The following PIEZO2 variants were observed in gnomAD, a reference collection of about 807,000 sequenced individuals.
PIEZO2 encodes the protein piezo type mechanosensitive ion channel component 2.
Under a neutral mutation model 337.3 loss-of-function variants are expected in PIEZO2, and 172 were observed. The observed-to-expected ratio is 0.51, with a 90% CI of 0.45 to 0.58. PIEZO2 has a LOEUF of 0.58. Ranked by LOEUF, PIEZO2 falls within the 20% of genes least tolerant of loss-of-function variation. PIEZO2 has a pLI of 0.00. For missense variants in PIEZO2, 3,028 were observed against 3,391.3 expected (o/e 0.89, Z 2.66); for synonymous variants, 1,251 against 1,228.5 (o/e 1.02, Z -0.38).
rs72870649 is a variant in PIEZO2, at chr18:11,016,723, T to G, written c.161-37063A>C. ...CATGATGAAAAACTCCATCAAATAA[T>G]GTAATGTTTTTTCACTGGAGGCAAA... On this transcript the variant is annotated intron_variant, in intron 2 of 55. Transcript: ENST00000674853. The surrounding 1 kb of genome is among the most constrained non-coding windows in gnomAD (Gnocchi z 5.6). 0.13 allele frequency among the ~76,000 whole-genome samples: 19,385 copies of G among 152,092 alleles called. 1,586 individuals are homozygous for G. The highest frequency in any genetic ancestry group is 0.21 in the Admixed American group (3,180 of 15,290).
intron 1 of PIEZO2, among the ~76,000 whole-genome samples, chr18:11,084,477 G>A (rs536698718): frequency 3.9e-5 from 6 of 152,054 alleles, no homozygotes; most frequent in Non-Finnish European, 8.8e-5. Flanking sequence ...CAGGAGGAGC[G>A]GGTTGTGTAG....
At chr18:10,731,563 T>C in intron 35 of PIEZO2, 42 bp from the exon 36 acceptor site, 1 of 1,359,082 alleles carries the variant, frequency 7.4e-7, no homozygotes, top group African/African-American at 1.5e-5. Context: ...CTTTTAATAA[T>C]TTGAAATAAA....
chr18:11,086,399 G>T (rs1333331021), intron 1 of PIEZO2, among the ~76,000 whole-genome samples: 1 of 151,356 alleles, frequency 6.6e-6, no homozygotes, highest in African/African-American at 2.4e-5. Flanking sequence ...GGCGCCTGTA[G>T]TCCCAGCTAC....
At chr18:10,706,652 T>G (rs2035599402) in intron 40 of PIEZO2, among the ~76,000 whole-genome samples, 1 of 152,184 alleles carries the variant, frequency 6.6e-6, no homozygotes, top group Admixed American at 6.5e-5. Context: ...CTTTGTCTCC[T>G]TCTTTTGTTC....
intron 5 of PIEZO2, among the ~76,000 whole-genome samples, chr18:10,858,177 T>C (rs774750083): frequency 2.7e-5 from 4 of 150,304 alleles, no homozygotes. Flanking sequence ...AAAAATTAGC[T>C]GAGTGTGGTG....
intron 3 of PIEZO2, among the ~76,000 whole-genome samples, chr18:10,946,160 T>C (rs761043024): frequency 9.2e-5 from 14 of 152,036 alleles, no homozygotes; most frequent in Non-Finnish European, 1.9e-4. Context: ...AATCACCCTA[T>C]GGCATATCAT....
In PIEZO2 at chr18:10,705,554, C is replaced by T. The variant is rs1347562577; in HGVS notation, c.5781G>A (p.Glu1927=). 2.6e-6 allele frequency: 4 copies of T among 1,537,128 alleles called. No homozygotes were observed. The highest frequency in any genetic ancestry group is 2.7e-5 in the African/African-American group (2 of 73,050). Residue 1927 remains glutamate (E), a synonymous_variant, in exon 41 of 56, where the codon GAG becomes GAA. Coordinates refer to ENST00000674853, the MANE Select transcript of PIEZO2 (RefSeq NM_001378183.1). ...AEEASLTPEE[E]LTQFSTLDGD... is the part of the protein sequence containing the mutation. ...CGTCCAAGGTGGAGAACTGTGTCAG[C>T]TCTTCCTCTGGGGTGAGGCTGGCCT...
rs980330693 is a variant in PIEZO2, at chr18:10,751,845, T to A, written c.4167+791A>T. 4.6e-5 allele frequency among the ~76,000 whole-genome samples: 7 copies of A among 152,316 alleles called. No homozygotes were observed. In the East Asian group the frequency reaches 1.3e-3, roughly 29 times the overall value. On this transcript the variant is annotated intron_variant, in intron 28 of 55. Transcript: ENST00000674853. Reference sequence around the variant, plus strand: ...TTAATTTCCCGCAGCACTAAATCACTGAAATGGTGTCGTTGTGTCCTGATA... The same window carrying A: ...TTAATTTCCCGCAGCACTAAATCACAGAAATGGTGTCGTTGTGTCCTGATA...
intron 27 of PIEZO2, among the ~76,000 whole-genome samples, chr18:10,757,446 GT>G (rs2037919468): frequency 1.9e-4 from 27 of 142,196 alleles, no homozygotes; most frequent in African/African-American, 2.7e-4. Flanking sequence ...AGGAGGAAGG[GT>G]GGGGATAAGA....
rs914928742 is a variant in PIEZO2 at position 10,969,596 on chromosome 18, C to T, written c.286+9939G>A. On this transcript the variant is annotated intron_variant, in intron 3 of 55. Transcript: ENST00000674853. The surrounding 1 kb of genome is among the most constrained non-coding windows in gnomAD (Gnocchi z 4.5). ...AAATGGAAATCCAAATTTTTTTTTG[C>T]GAAGGAAATAAATACCAAGTAACTT... 2.0e-5 allele frequency among the ~76,000 whole-genome samples: 3 copies of T among 151,034 alleles called. No homozygotes were observed. Among genetic ancestry groups the T allele is most frequent in the East Asian group, 1.9e-4 (1 of 5,176 alleles).
At position 10,952,557 on chromosome 18, in the gene PIEZO2, T is replaced by C. The variant is rs899975016; in HGVS notation, c.286+26978A>G. ...GTACCCATAGTTTGTTGCTTTCTAT[T>C]GTTGACCTGTGTAGTCCATCCAGGG... On this transcript the variant is annotated intron_variant, in intron 3 of 55. Coordinates refer to ENST00000674853, the MANE Select transcript of PIEZO2 (RefSeq NM_001378183.1). This position sits in a 1 kb window ranked among gnomAD's most constrained non-coding sequence, Gnocchi z 4.1. Among the ~76,000 whole-genome samples the C allele has an allele frequency of 1.3e-5, 2 of 152,250 alleles. No homozygotes were observed. Among genetic ancestry groups the C allele is most frequent in the East Asian group, 3.8e-4 (2 of 5,204 alleles).
intron 28 of PIEZO2, among the ~76,000 whole-genome samples, chr18:10,752,005 G>A (rs547782852): frequency 1.3e-5 from 2 of 152,176 alleles, no homozygotes; most frequent in South Asian, 2.1e-4. Context: ...GGGTTGTGGG[G>A]GGGGAGGGTC....
intron 1 of PIEZO2, among the ~76,000 whole-genome samples, chr18:11,118,700 T>G (rs1032230489): frequency 1.3e-5 from 2 of 151,910 alleles, no homozygotes; most frequent in Non-Finnish European, 2.9e-5. Context: ...TCACAATGAG[T>G]TTTTAACTTA....
rs373502676 is a variant in PIEZO2 at position 11,131,390 on chromosome 18, C to G, written c.64+17135G>C. On this transcript the variant is annotated intron_variant, in intron 1 of 55. Coordinates refer to ENST00000674853, the MANE Select transcript of PIEZO2 (RefSeq NM_001378183.1). The surrounding 1 kb of genome is among the most constrained non-coding windows in gnomAD (Gnocchi z 5.3). Reference sequence around the variant, plus strand: ...CTGTCTTCTCTCCCACAGCCTGCACCGATGGCCTCATGGGGAGTTCCCTAT... The same window carrying G: ...CTGTCTTCTCTCCCACAGCCTGCACGGATGGCCTCATGGGGAGTTCCCTAT... Among the ~76,000 whole-genome samples the G allele has an allele frequency of 2.6e-4, 40 of 152,272 alleles. No homozygotes were observed. In the East Asian group the frequency reaches 6.8e-3, roughly 26 times the overall value.
At chr18:10,991,633 T>C (rs1354006235) in intron 2 of PIEZO2, among the ~76,000 whole-genome samples, 1 of 152,216 alleles carries the variant, frequency 6.6e-6, no homozygotes, top group Non-Finnish European at 1.5e-5. Context: ...CTATCATTGA[T>C]GGACGTTTGG....
At chr18:11,086,058 G>T (rs2038899482) in intron 1 of PIEZO2, among the ~76,000 whole-genome samples, 1 of 152,080 alleles carries the variant, frequency 6.6e-6, no homozygotes, top group African/African-American at 2.4e-5. Context: ...TAATTGAATT[G>T]ACATGACTTA....
At position 10,877,341 on chromosome 18, in the gene PIEZO2, G is replaced by A. The variant is rs2042293657; in HGVS notation, c.330-5926C>T. Among the ~76,000 whole-genome samples the A allele has an allele frequency of 6.6e-6, 1 of 152,184 alleles. No homozygotes were observed. The highest frequency in any genetic ancestry group is 1.5e-5 in the Non-Finnish European group (1 of 68,034). Reference sequence around the variant, plus strand: ...CACTAGCTCTTTAGAATGAAATAGTGTTAGATTAAATTTTTAAGAAATGGT... The same window carrying A: ...CACTAGCTCTTTAGAATGAAATAGTATTAGATTAAATTTTTAAGAAATGGT... On this transcript the variant is annotated intron_variant, in intron 4 of 55. Transcript: ENST00000674853. This position sits in a 1 kb window ranked among gnomAD's most constrained non-coding sequence, Gnocchi z 5.3.
intron 7 of PIEZO2, among the ~76,000 whole-genome samples, chr18:10,852,566 T>C (rs969788345): frequency 6.6e-6 from 1 of 152,224 alleles, no homozygotes; most frequent in African/African-American, 2.4e-5. Context: ...GCAAGGCCAC[T>C]GGGCCCTCTC....
Position 10,847,353 on chromosome 18 carries a change from G to A in PIEZO2, c.917+8000C>T, listed in dbSNP as rs2041398095. On this transcript the variant is annotated intron_variant, in intron 7 of 55. Transcript: ENST00000674853. This position sits in a 1 kb window ranked among gnomAD's most constrained non-coding sequence, Gnocchi z 5.7. ...CAGAGGCATCTTCTCCATAAAAACT[G>A]AAAGGAAGACCGTGGAGATGCCCTT... Among the ~76,000 whole-genome samples the A allele has an allele frequency of 6.6e-6, 1 of 152,236 alleles. No individual in the cohort carries two copies. Among genetic ancestry groups the A allele is most frequent in the African/African-American group, 2.4e-5 (1 of 41,466 alleles).
Sources: allele counts gnomAD v4.1 joint callset (sites outside exome capture counted in the v4.1 genomes callset), GRCh38; gene constraint gnomAD v4.1.1; non-coding constraint Gnocchi (gnomAD v3.1); transcripts MANE v1.5; gene names NCBI Gene and HGNC (gene_info 2026-07-23, HGNC 2026-07-21).